Variants in GRIK1 observed in about 807,000 individuals in gnomAD.
GRIK1 encodes glutamate receptor ionotropic, kainate 1.
A neutral mutation model predicts 105.7 loss-of-function variants in GRIK1; 69 were observed. The observed-to-expected ratio is 0.65, with a 90% confidence interval of 0.54 to 0.80. The LOEUF is 0.80. Among genes scored for constraint, GRIK1 ranks in the 30% least tolerant of loss-of-function variants. The probability of loss-of-function intolerance (pLI) is 0.00; values close to 1 mark genes in which losing one functional copy is unlikely to be tolerated. For missense variants in GRIK1, 1,109 were observed against 1,167.3 expected (o/e 0.95, Z 0.73); for synonymous variants, 438 against 431.3 (o/e 1.02, Z -0.19).
In GRIK1 at chr21:29,689,757, G is replaced by C. The variant is rs775546675; in HGVS notation, c.515C>G (p.Thr172Arg). The stretch of plus-strand genomic sequence containing the variant: ...GCTGTCTTCATACACCACTGTCACT[G>C]TTTTCCAGTTGTAATAGAGGACCAG... Reference protein sequence around the residue: ...LDLVLYYNWKTVTVVYEDSTG... With the variant: ...LDLVLYYNWKRVTVVYEDSTG... Residue 172 changes from threonine (T) to arginine (R), a missense_variant, in exon 3 of 18, where the codon ACA becomes AGA. By Grantham distance (71) the Thr-to-Arg change is moderately conservative. Around this residue, in one of 5 missense-constraint regions of GRIK1, gnomAD observed 612 missense variants for 586.0 expected, o/e 1.04. Transcript: ENST00000327783. The C allele has an allele frequency of 1.9e-6, 3 of 1,613,864 alleles. No individual in the cohort carries two copies.
At chr21:29,704,451 T>C (rs1175583624) in intron 1 of GRIK1, among the ~76,000 whole-genome samples, 1 of 152,210 alleles carries the variant, frequency 6.6e-6, no homozygotes, top group Non-Finnish European at 1.5e-5. Flanking sequence ...TGGTGTAAAA[T>C]AAGCCTACAT....
At chr21:29,918,959 C>A (rs953730858) in intron 1 of GRIK1, among the ~76,000 whole-genome samples, 4 of 151,604 alleles carry the variant, frequency 2.6e-5, no homozygotes, top group African/African-American at 7.3e-5. Flanking sequence ...GTACAACAGG[C>A]GAAGGGGAAG....
chr21:29,618,640 G>GAAAGTGTGATAT (rs1203159691), intron 7 of GRIK1, among the ~76,000 whole-genome samples: 1 of 152,178 alleles, frequency 6.6e-6, no homozygotes, highest in African/African-American at 2.4e-5. Context: ...AGTGAATAAA[G>GAAAGTGTGATAT]AAAGTGTGAT....
chr21:29,892,541 A>T (rs1001892301), intron 1 of GRIK1, among the ~76,000 whole-genome samples: 1 of 152,212 alleles, frequency 6.6e-6, no homozygotes, highest in African/African-American at 2.4e-5. Flanking sequence ...TGAAGAATGG[A>T]TTGGCAGGCC....
chr21:29,878,166 A>C (rs190925589), intron 1 of GRIK1, among the ~76,000 whole-genome samples: 1 of 152,248 alleles, frequency 6.6e-6, no homozygotes, highest in East Asian at 1.9e-4. Flanking sequence ...TGGTAGGAAA[A>C]GAGGAAAGTG....
At chr21:29,911,384 G>A (rs1013447307) in intron 1 of GRIK1, among the ~76,000 whole-genome samples, 2 of 151,996 alleles carry the variant, frequency 1.3e-5, no homozygotes, top group African/African-American at 4.8e-5. Context: ...GAAGGCCTTG[G>A]AACTGTTTCA....
At chr21:29,632,700 G>T (rs1408576707) in intron 7 of GRIK1, among the ~76,000 whole-genome samples, 1 of 152,100 alleles carries the variant, frequency 6.6e-6, no homozygotes, top group East Asian at 1.9e-4. Flanking sequence ...AATCAATGTG[G>T]GGTAGAACCA....
chr21:29,603,257 G>T (rs1242457841), intron 7 of GRIK1, among the ~76,000 whole-genome samples: 1 of 151,632 alleles, frequency 6.6e-6, no homozygotes, highest in Non-Finnish European at 1.5e-5. Context: ...GGTAGGGAAT[G>T]ATATGTGGAC....
chr21:29,588,800 A>G (rs778881941), intron 11 of GRIK1, 39 bp downstream of exon 11: 4 of 1,052,050 alleles, frequency 3.8e-6, no homozygotes, highest in Non-Finnish European at 5.9e-6. Context: ...ACTTTCTCTT[A>G]TGCATATTTT....
intron 1 of GRIK1, among the ~76,000 whole-genome samples, chr21:29,724,963 G>A (rs976716340): frequency 2.1e-5 from 3 of 144,558 alleles, no homozygotes; most frequent in Non-Finnish European, 3.0e-5. Flanking sequence ...GACTTTAGTC[G>A]AATTCCTTCA....
intron 9 of GRIK1, among the ~76,000 whole-genome samples, chr21:29,592,655 A>G (rs1052329888): frequency 6.6e-6 from 1 of 152,226 alleles, no homozygotes; most frequent in Non-Finnish European, 1.5e-5. Context: ...CCTATAAAGT[A>G]TTTCACAGGA....
intron 8 of GRIK1, 65 bp downstream of exon 8, chr21:29,598,765 A>G (rs775420760): frequency 2.8e-6 from 2 of 726,990 alleles, no homozygotes; most frequent in Non-Finnish European, 4.7e-6. Context: ...TGTCTTTGCA[A>G]TTTAGTAAAA....
At chr21:29,700,846 G>T (rs912125043) in intron 1 of GRIK1, among the ~76,000 whole-genome samples, 2 of 152,072 alleles carry the variant, frequency 1.3e-5, no homozygotes, top group African/African-American at 4.8e-5. Flanking sequence ...AGGAATTTCA[G>T]ACAATGTTTC....
At chr21:29,543,252 G>A (rs1262071060) in intron 16 of GRIK1, among the ~76,000 whole-genome samples, 2 of 152,030 alleles carry the variant, frequency 1.3e-5, no homozygotes, top group African/African-American at 4.8e-5. Flanking sequence ...AACCTAGGAT[G>A]GTTTGAGGAT....
At chr21:29,583,547 A>T (rs2091067784) in intron 12 of GRIK1, among the ~76,000 whole-genome samples, 3 of 152,162 alleles carry the variant, frequency 2.0e-5, no homozygotes. Flanking sequence ...TGAGCTCATC[A>T]CTTCCCTCTT....
chr21:29,546,359 C>T (rs975804920), intron 16 of GRIK1, among the ~76,000 whole-genome samples: 3 of 152,202 alleles, frequency 2.0e-5, no homozygotes, highest in African/African-American at 4.8e-5. Flanking sequence ...TCTGCCATTC[C>T]GGAGACAGTG....
intron 1 of GRIK1, among the ~76,000 whole-genome samples, chr21:29,700,696 G>T (rs146965605): frequency 6.6e-6 from 1 of 152,122 alleles, no homozygotes; most frequent in East Asian, 1.9e-4. Context: ...AGTGTAACAT[G>T]GTGGAAATCA....
intron 13 of GRIK1, among the ~76,000 whole-genome samples, chr21:29,580,001 A>G (rs1008261196): frequency 6.8e-6 from 1 of 146,336 alleles, no homozygotes; most frequent in Non-Finnish European, 1.5e-5. Flanking sequence ...ATATATGTAT[A>G]TATATGTATA....
Position 29,642,216 on chromosome 21 carries a change from A to G in GRIK1, c.1098+610T>C, listed in dbSNP as rs1410271869. On this transcript the variant is annotated intron_variant, in intron 7 of 17. Transcript: ENST00000327783. Reference sequence around the variant, plus strand: ...GTGACAAGGAGTCAAACTGCCTCAGAGAAAAGAAAAGGTGGAGGACAGTCC... The same window carrying G: ...GTGACAAGGAGTCAAACTGCCTCAGGGAAAAGAAAAGGTGGAGGACAGTCC... 3.9e-5 allele frequency among the ~76,000 whole-genome samples: 6 copies of G among 152,218 alleles called. No individual in the cohort carries two copies. The East Asian group carries it at 1.2e-3, about 29-fold the overall frequency.
Sources: gnomAD v4.1 joint callset for allele counts (sites outside exome capture counted in the v4.1 genomes callset) on GRCh38, gnomAD v4.1.1 for gene constraint, gnomAD v4.1.1 regional missense constraint, MANE v1.5 for transcripts, NCBI Gene and HGNC (gene_info 2026-07-23, HGNC 2026-07-21) for gene names.